TMEM117: variants seen among roughly 807,000 people sequenced by gnomAD.
TMEM117 encodes transmembrane protein 117.
Under a neutral mutation model 52.4 loss-of-function variants are expected in TMEM117, and 27 were observed. That is an observed-to-expected ratio of 0.51 (90% CI 0.38 to 0.71). TMEM117 has a LOEUF of 0.71. Among genes scored for constraint, TMEM117 ranks in the 30% least tolerant of loss-of-function variants. The pLI, the probability that TMEM117 is intolerant of heterozygous loss-of-function variation, is 0.00. For missense variants in TMEM117, 556 were observed against 630.5 expected, an observed-to-expected ratio of 0.88 and a Z score of 1.26; for synonymous variants, 215 against 206.3, an observed-to-expected ratio of 1.04 and a Z score of -0.36.
intron 2 of TMEM117, among the ~76,000 whole-genome samples, chr12:43,922,883 T>C (rs550287430): frequency 1.3e-5 from 2 of 152,258 alleles, no homozygotes; most frequent in South Asian, 2.1e-4. Flanking sequence ...AAGACAGAAA[T>C]AAAGCCTGTG....
rs369405497 is a variant in TMEM117, at chr12:43,877,890, AACACACAC to A, written c.277+32994_277+33001del. On this transcript the variant is annotated intron_variant, in intron 2 of 7. Coordinates refer to ENST00000266534, the MANE Select transcript of TMEM117 (RefSeq NM_032256.3). ...TATGGTTCTTTTTTTGTAAAAACAA[AACACACAC>A]ACACACACACACACACACACACACA... Among the ~76,000 whole-genome samples the A allele has an allele frequency of 1.0e-3, 147 of 143,102 alleles. 2 individuals are homozygous for A. The highest frequency in any genetic ancestry group is 3.2e-3 in the African/African-American group (124 of 38,656). The allele number at this position is 143,102 out of a possible 152,430, so 93.9% of individuals were successfully genotyped here. A position where few individuals can be genotyped will look rare whatever the true frequency, so the allele number is the denominator to read the frequency against.
At chr12:43,902,032 T>G (rs1274793250) in intron 2 of TMEM117, among the ~76,000 whole-genome samples, 1 of 152,252 alleles carries the variant, frequency 6.6e-6, no homozygotes, top group Non-Finnish European at 1.5e-5. Flanking sequence ...ACATAAATTT[T>G]ATAGGTTTAT....
At chr12:44,159,249 T>G (rs918577037) in intron 4 of TMEM117, among the ~76,000 whole-genome samples, 4 of 152,186 alleles carry the variant, frequency 2.6e-5, no homozygotes, top group African/African-American at 9.7e-5. Context: ...ATGGAATGTC[T>G]GTTACTGCCT....
intron 2 of TMEM117, among the ~76,000 whole-genome samples, chr12:43,865,464 A>G (rs1267731452): frequency 6.6e-6 from 1 of 152,176 alleles, no homozygotes; most frequent in African/African-American, 2.4e-5. Flanking sequence ...TGGGAGGCCA[A>G]GGTGGGTGGA....
At chr12:44,174,381 A>C (rs1294007690) in intron 4 of TMEM117, among the ~76,000 whole-genome samples, 1 of 152,222 alleles carries the variant, frequency 6.6e-6, no homozygotes, top group Non-Finnish European at 1.5e-5. Flanking sequence ...CTGTGGCCCC[A>C]AAAGCCAAAA....
chr12:43,995,187 C>G (rs1202104413), intron 3 of TMEM117, among the ~76,000 whole-genome samples: 2 of 151,614 alleles, frequency 1.3e-5, no homozygotes. Flanking sequence ...AGGGGAATTG[C>G]TTGGACCCGG....
intron 5 of TMEM117, among the ~76,000 whole-genome samples, chr12:44,230,245 A>C (rs1320246425): frequency 6.6e-6 from 1 of 152,084 alleles, no homozygotes; most frequent in Non-Finnish European, 1.5e-5. Context: ...TGACCCCTCG[A>C]TATTTTCTAT....
At chr12:44,023,064 C>T (rs956318423) in intron 3 of TMEM117, among the ~76,000 whole-genome samples, 2 of 152,096 alleles carry the variant, frequency 1.3e-5, no homozygotes, top group Non-Finnish European at 2.9e-5. Flanking sequence ...AAAGACTGCC[C>T]TTGCATGAAA....
intron 3 of TMEM117, among the ~76,000 whole-genome samples, chr12:44,030,704 T>TC (rs1459854700): frequency 1.3e-5 from 2 of 152,228 alleles, no homozygotes; most frequent in Non-Finnish European, 2.9e-5. Context: ...GTTATTTATA[T>TC]CCTACTGCTC....
At chr12:43,812,049 A>G in the TMEM117 span, among the ~76,000 whole-genome samples, 1 of 152,210 alleles carries the variant, frequency 6.6e-6, no homozygotes, top group Non-Finnish European at 1.5e-5. Context: ...TCCCAAGGTT[A>G]TATAAAAATC....
intron 2 of TMEM117, among the ~76,000 whole-genome samples, chr12:43,896,198 A>C (rs1039159576): frequency 6.6e-6 from 1 of 152,208 alleles, no homozygotes; most frequent in Admixed American, 6.5e-5. Context: ...CCTACCTTGC[A>C]GCAATAGTGT....
intron 2 of TMEM117, among the ~76,000 whole-genome samples, chr12:43,919,935 T>A (rs895054083): frequency 1.3e-5 from 2 of 151,752 alleles, no homozygotes; most frequent in Admixed American, 6.6e-5. Context: ...ATGCAATTCG[T>A]ATTTATATCT....
chr12:43,956,493 C>A (rs1945308475), intron 3 of TMEM117, among the ~76,000 whole-genome samples: 1 of 81,924 alleles, frequency 1.2e-5, no homozygotes, highest in Admixed American at 1.7e-4. Flanking sequence ...TATAAACAGA[C>A]ACTTCTCAAA....
intron 5 of TMEM117, among the ~76,000 whole-genome samples, chr12:44,216,856 T>C (rs1592614433): frequency 2.6e-5 from 4 of 152,118 alleles, no homozygotes; most frequent in Non-Finnish European, 4.4e-5. Context: ...GTTTTCTCTT[T>C]TGGATGTGCA....
intron 2 of TMEM117, among the ~76,000 whole-genome samples, chr12:43,926,458 A>G (rs1428428509): frequency 6.6e-6 from 1 of 152,258 alleles, no homozygotes; most frequent in Non-Finnish European, 1.5e-5. Context: ...ATAAATGTTT[A>G]CATCGGAATT....
intron 3 of TMEM117, among the ~76,000 whole-genome samples, chr12:44,104,526 CTG>C (rs67081566): frequency 0.1 from 15,655 of 151,940 alleles, 905 homozygotes; most frequent in Middle Eastern, 0.2. Flanking sequence ...GGTCCTGTGA[CTG>C]GTATTATTAT....
chr12:44,144,716 T>C (rs930949468), intron 4 of TMEM117, among the ~76,000 whole-genome samples: 2 of 152,250 alleles, frequency 1.3e-5, no homozygotes, highest in African/African-American at 4.8e-5. Context: ...CCTACCTCTG[T>C]TGATTTTTAG....
At chr12:44,175,748 GCAGATAAGAA>G (rs1204013535) in intron 4 of TMEM117, among the ~76,000 whole-genome samples, 2 of 152,290 alleles carry the variant, frequency 1.3e-5, no homozygotes, top group Admixed American at 1.3e-4. Flanking sequence ...AGGAGGGGCA[GCAGATAAGAA>G]CAGTATCACA....
intron 4 of TMEM117, among the ~76,000 whole-genome samples, chr12:44,203,175 C>T (rs949993379): frequency 3.3e-5 from 5 of 151,980 alleles, no homozygotes; most frequent in African/African-American, 9.7e-5. Context: ...AGTTTCTTCC[C>T]GGTTCAATCT....
Sources: gnomAD v4.1 joint callset for allele counts (sites outside exome capture counted in the v4.1 genomes callset) on GRCh38, gnomAD v4.1.1 for gene constraint, MANE v1.5 for transcripts, NCBI Gene and HGNC (gene_info 2026-07-23, HGNC 2026-07-21) for gene names.